ZNF407: variants seen among roughly 807,000 people sequenced by gnomAD.
ZNF407 encodes zinc finger protein 407.
Under a neutral mutation model 131.2 loss-of-function variants are expected in ZNF407, and 17 were observed. That is an observed-to-expected ratio of 0.13 (90% CI 0.09 to 0.19). The LOEUF (loss-of-function observed/expected upper bound fraction) is 0.19, where lower values mean the gene tolerates loss of function less well. Among genes scored for constraint, ZNF407 ranks in the 10% least tolerant of loss-of-function variants. The pLI, the probability that ZNF407 is intolerant of heterozygous loss-of-function variation, is 1.00. For synonymous variants in ZNF407, 1,156 were observed against 1,062.0 expected (o/e 1.09, Z -1.72); for missense variants, 2,681 against 2,830.6 (o/e 0.95, Z 1.20).
chr18:75,014,477 A>G (rs1371069700), intron 8 of ZNF407, among the ~76,000 whole-genome samples: 2 of 151,964 alleles, frequency 1.3e-5, no homozygotes, highest in Admixed American at 1.3e-4. Context: ...TCTTCCTTCA[A>G]GTAACTCTGA....
chr18:74,870,631 G>A (rs761335491), intron 4 of ZNF407, among the ~76,000 whole-genome samples: 23 of 152,054 alleles, frequency 1.5e-4, no homozygotes, highest in South Asian at 4.1e-4. Flanking sequence ...TTGGTGTCTG[G>A]ATGTAACTTC....
intron 4 of ZNF407, among the ~76,000 whole-genome samples, chr18:74,839,721 G>A (rs1203345328): frequency 6.6e-6 from 1 of 152,094 alleles, no homozygotes; most frequent in Non-Finnish European, 1.5e-5. Context: ...ACACTTTCAG[G>A]TACCCATACT....
chr18:74,615,169 G>A (rs1039793182), intron 1 of ZNF407, among the ~76,000 whole-genome samples: 6 of 152,226 alleles, frequency 3.9e-5, no homozygotes, highest in Non-Finnish European at 1.5e-5. Flanking sequence ...GGAGCAGAAT[G>A]TTTGCTGACC....
At chr18:74,619,585 G>A (rs1983436389) in intron 1 of ZNF407, among the ~76,000 whole-genome samples, 1 of 151,998 alleles carries the variant, frequency 6.6e-6, no homozygotes, top group African/African-American at 2.4e-5. Flanking sequence ...AGGGTCTAAT[G>A]GAAAACTTAA....
At chr18:74,844,617 A>G (rs991542843) in intron 4 of ZNF407, among the ~76,000 whole-genome samples, 16 of 152,324 alleles carry the variant, frequency 1.1e-4, no homozygotes, top group African/African-American at 3.8e-4. Flanking sequence ...ATCTTTTATA[A>G]GAAATATTGA....
intron 8 of ZNF407, among the ~76,000 whole-genome samples, chr18:74,923,782 A>C (rs1971877213): frequency 6.6e-6 from 1 of 152,160 alleles, no homozygotes; most frequent in African/African-American, 2.4e-5. Context: ...ATAATTCTGC[A>C]TTTCATATTG....
intron 8 of ZNF407, among the ~76,000 whole-genome samples, chr18:74,966,185 A>G (rs1380093845): frequency 2.6e-5 from 4 of 152,016 alleles, no homozygotes; most frequent in African/African-American, 7.2e-5. Flanking sequence ...ACATTTGTCC[A>G]TTTTTGCTTT....
intron 4 of ZNF407, among the ~76,000 whole-genome samples, chr18:74,816,772 G>T (rs1229110671): frequency 6.6e-6 from 1 of 152,004 alleles, no homozygotes; most frequent in African/African-American, 2.4e-5. Context: ...ATATATTAAT[G>T]ATTTTGAGTT....
intron 4 of ZNF407, among the ~76,000 whole-genome samples, chr18:74,854,738 A>G (rs1473595422): frequency 5.3e-5 from 8 of 152,074 alleles, no homozygotes; most frequent in Admixed American, 5.2e-4. Flanking sequence ...CATAGCCTAT[A>G]TATATAGTAT....
chr18:74,709,081 G>C (rs1303261766), intron 3 of ZNF407, among the ~76,000 whole-genome samples: 1 of 152,152 alleles, frequency 6.6e-6, no homozygotes, highest in Admixed American at 6.5e-5. Flanking sequence ...TGGGAGTAAT[G>C]AATAGATGAC....
chr18:74,872,744 G>C (rs1971104933), intron 4 of ZNF407, among the ~76,000 whole-genome samples: 1 of 132,234 alleles, frequency 7.6e-6, no homozygotes, highest in Non-Finnish European at 1.6e-5. Flanking sequence ...GGCAGAGCGA[G>C]ACTCAGTCTC....
At chr18:74,887,977 C>T (rs80111940) in intron 6 of ZNF407, among the ~76,000 whole-genome samples, 6,126 of 152,138 alleles carry the variant, frequency 0.04, 155 homozygotes, top group Non-Finnish European at 0.063. Flanking sequence ...TATAAATAGA[C>T]GTAGAATGTA....
intron 8 of ZNF407, among the ~76,000 whole-genome samples, chr18:74,963,628 T>C (rs1972375002): frequency 6.6e-6 from 1 of 152,228 alleles, no homozygotes; most frequent in South Asian, 2.1e-4. Context: ...TAGAATTTGT[T>C]AAGAAGAGGA....
intron 8 of ZNF407, among the ~76,000 whole-genome samples, chr18:75,016,767 A>G (rs1006997467): frequency 3.9e-5 from 6 of 152,262 alleles, no homozygotes; most frequent in Admixed American, 3.9e-4. Context: ...CTAAAATTAC[A>G]TTGAGTTTAT....
At chr18:75,032,891 T>A (rs1291158174) in intron 8 of ZNF407, among the ~76,000 whole-genome samples, 1 of 116,960 alleles carries the variant, frequency 8.5e-6, no homozygotes, top group Admixed American at 1.0e-4. Context: ...GTGCTCAGAA[T>A]GGGGGGAAGA....
intron 6 of ZNF407, among the ~76,000 whole-genome samples, chr18:74,889,429 T>G (rs1971355219): frequency 2.6e-5 from 4 of 152,212 alleles, no homozygotes; most frequent in Admixed American, 2.6e-4. Context: ...GTATATTTTT[T>G]GTTGCTTCTG....
Position 74,634,882 on chromosome 18 carries a change from G to A in ZNF407, c.3863G>A (p.Gly1288Glu). ...ESGGQNRVAR[G>E]HGLEDLKGVQ... The stretch of plus-strand genomic sequence containing the variant: ...GGGGGTCAGAACAGAGTTGCACGTG[G>A]GCATGGTTTGGAAGACTTGAAAGGT... The change falls in exon 2 of 9, where the codon GGG becomes GAG. Residue 1288 changes from glycine (G) to glutamate (E), a missense_variant. Gly to Glu is a moderately conservative substitution (Grantham distance 98). Coordinates refer to ENST00000299687, the MANE Select transcript of ZNF407 (RefSeq NM_017757.3). 6.2e-7 allele frequency: 1 copy of A among 1,613,548 alleles called. No individual in the cohort carries two copies. The highest frequency in any genetic ancestry group is 2.2e-5 in the East Asian group (1 of 44,878).
At chr18:75,015,778 A>C (rs1397897536) in intron 8 of ZNF407, among the ~76,000 whole-genome samples, 5 of 151,850 alleles carry the variant, frequency 3.3e-5, no homozygotes. Flanking sequence ...TAGATTTATC[A>C]CTTCAATTAC....
chr18:74,940,630 C>G (rs1011945234), intron 8 of ZNF407, among the ~76,000 whole-genome samples: 7 of 152,196 alleles, frequency 4.6e-5, no homozygotes, highest in African/African-American at 1.7e-4. Context: ...CACTCTCTAG[C>G]TTTGTGCCTT....
Sources: allele counts gnomAD v4.1 joint callset (sites outside exome capture counted in the v4.1 genomes callset), GRCh38; gene constraint gnomAD v4.1.1; transcripts MANE v1.5; gene names NCBI Gene and HGNC (gene_info 2026-07-23, HGNC 2026-07-21).